The following CNTN5 variants were observed in gnomAD, a reference collection of about 807,000 sequenced individuals.
CNTN5 encodes contactin-5.
A neutral mutation model predicts 129.1 loss-of-function variants in CNTN5; 77 were observed. The observed-to-expected ratio is 0.60, with a 90% CI of 0.50 to 0.72. The LOEUF is 0.72. Ranked by LOEUF, CNTN5 falls within the 30% of genes least tolerant of loss-of-function variation. The probability of loss-of-function intolerance (pLI) is 0.00; values close to 1 mark genes in which losing one functional copy is unlikely to be tolerated. For missense variants in CNTN5, 1,478 were observed against 1,328.8 expected, an observed-to-expected ratio of 1.11 and a Z score of -1.75; for synonymous variants, 509 against 465.6, an observed-to-expected ratio of 1.09 and a Z score of -1.20.
Position 100,023,925 on chromosome 11 carries a change from G to A in CNTN5, c.980+21789G>A, listed in dbSNP as rs111659035. 1.1e-3 allele frequency among the ~76,000 whole-genome samples: 172 copies of A among 152,058 alleles called. 1 individual carries two copies. Among genetic ancestry groups the A allele is most frequent in the African/African-American group, 4.0e-3 (166 of 41,436 alleles). ...CTATTCAGCTACTAAAGGACTCTTA[G>A]CTGCTTCCAAATTTTGGTACTTATG... On this transcript the variant is annotated intron_variant, in intron 9 of 24. Coordinates refer to ENST00000524871, the MANE Select transcript of CNTN5 (RefSeq NM_014361.4).
At chr11:99,341,442 A>G (rs1361835965) in intron 2 of CNTN5, among the ~76,000 whole-genome samples, 1 of 152,180 alleles carries the variant, frequency 6.6e-6, no homozygotes. Flanking sequence ...GTCTGCAAGT[A>G]TGAAATTATA....
At chr11:99,397,401 T>C (rs1311922073) in intron 2 of CNTN5, among the ~76,000 whole-genome samples, 1 of 151,784 alleles carries the variant, frequency 6.6e-6, no homozygotes, top group African/African-American at 2.4e-5. Context: ...AGGAAGAAAG[T>C]CATTATGCAC....
intron 6 of CNTN5, among the ~76,000 whole-genome samples, chr11:99,907,989 C>T (rs549326666): frequency 2.0e-5 from 3 of 152,104 alleles, no homozygotes; most frequent in South Asian, 2.1e-4. Flanking sequence ...TAAAATTACA[C>T]GTTGAAAATT....
At chr11:99,862,310 T>C (rs1334895239) in intron 6 of CNTN5, among the ~76,000 whole-genome samples, 1 of 152,130 alleles carries the variant, frequency 6.6e-6, no homozygotes, top group Admixed American at 6.6e-5. Context: ...TTGCCCAGGG[T>C]CCATTGAAAC....
chr11:99,983,326 T>C (rs1419554352), intron 8 of CNTN5, among the ~76,000 whole-genome samples: 4 of 152,146 alleles, frequency 2.6e-5, no homozygotes, highest in Non-Finnish European at 5.9e-5. Context: ...ATGGTTAGTT[T>C]ATGGAGTGGA....
chr11:99,654,017 AC>A lies in CNTN5; in HGVS notation c.55+97749del, dbSNP rs1427940703. Among the ~76,000 whole-genome samples the A allele has an allele frequency of 4.6e-5, 7 of 152,216 alleles. No homozygotes were observed. In the South Asian group the frequency reaches 1.5e-3, roughly 32 times the overall value. On this transcript the variant is annotated intron_variant, in intron 3 of 24. Coordinates refer to ENST00000524871, the MANE Select transcript of CNTN5 (RefSeq NM_014361.4). ...ATCCATCAAGTTGTTTAAGTACAAAACAAAATCAAAAAAGCCGTTAATGAAT... is the reference window on the plus strand; with the variant it reads ...ATCCATCAAGTTGTTTAAGTACAAAAAAAATCAAAAAAGCCGTTAATGAAT...
intron 16 of CNTN5, among the ~76,000 whole-genome samples, chr11:100,233,980 G>A (rs1440523834): frequency 1.3e-5 from 2 of 152,022 alleles, no homozygotes; most frequent in Non-Finnish European, 2.9e-5. Context: ...CCATCAAAAA[G>A]TGGGCAAAGG....
intron 3 of CNTN5, among the ~76,000 whole-genome samples, chr11:99,621,521 T>C (rs978694141): frequency 7.3e-6 from 1 of 136,976 alleles, no homozygotes; most frequent in African/African-American, 2.6e-5. Flanking sequence ...TAATATATCT[T>C]TATAATACAA....
At chr11:99,639,753 G>A (rs553742203) in intron 3 of CNTN5, among the ~76,000 whole-genome samples, 88 of 151,846 alleles carry the variant, frequency 5.8e-4, no homozygotes, top group African/African-American at 2.1e-3. Context: ...TAGTGGAGAT[G>A]AGGTTTCACC....
chr11:100,217,573 G>A (rs1949166778), intron 15 of CNTN5, among the ~76,000 whole-genome samples: 1 of 152,034 alleles, frequency 6.6e-6, no homozygotes, highest in African/African-American at 2.4e-5. Flanking sequence ...ATTTTTTTCT[G>A]ACTAGTTCTA....
chr11:99,902,828 T>C (rs1949394681), intron 6 of CNTN5, among the ~76,000 whole-genome samples: 1 of 152,098 alleles, frequency 6.6e-6, no homozygotes, highest in Admixed American at 6.6e-5. Flanking sequence ...GATCACAAAT[T>C]AAAACTTTCT....
intron 15 of CNTN5, among the ~76,000 whole-genome samples, chr11:100,197,083 C>G (rs1948657423): frequency 6.6e-6 from 1 of 151,872 alleles, no homozygotes; most frequent in South Asian, 2.1e-4. Flanking sequence ...GGCCTCAGAT[C>G]CATTCAAATG....
intron 4 of CNTN5, among the ~76,000 whole-genome samples, chr11:99,821,306 A>G (rs1946793877): frequency 6.6e-6 from 1 of 152,206 alleles, no homozygotes; most frequent in African/African-American, 2.4e-5. Context: ...GATGAGAACA[A>G]TAAATATTGG....
chr11:100,328,461 C>A (rs533199634), intron 21 of CNTN5, among the ~76,000 whole-genome samples: 28 of 152,268 alleles, frequency 1.8e-4, no homozygotes, highest in Non-Finnish European at 3.4e-4. Context: ...TACAGTTCAA[C>A]AAGCTGTACA....
intron 2 of CNTN5, among the ~76,000 whole-genome samples, chr11:99,368,110 G>A (rs1939571277): frequency 6.6e-6 from 1 of 151,910 alleles, no homozygotes; most frequent in Admixed American, 6.6e-5. Context: ...TGAAAAAACT[G>A]GAATCATAAT....
intron 14 of CNTN5, 58 bp from the exon 15 acceptor site, chr11:100,193,430 T>C (rs1948549946): frequency 3.6e-6 from 4 of 1,106,672 alleles, no homozygotes; most frequent in Non-Finnish European, 5.0e-6. Flanking sequence ...AAGCAAAATA[T>C]TATGTATGGT....
intron 7 of CNTN5, among the ~76,000 whole-genome samples, chr11:99,919,094 A>G (rs959533945): frequency 1.3e-5 from 2 of 152,160 alleles, no homozygotes; most frequent in Non-Finnish European, 2.9e-5. Context: ...GTGTGCTCTC[A>G]TGACCAGACT....
At chr11:99,390,615 G>T (rs2136186979) in intron 2 of CNTN5, among the ~76,000 whole-genome samples, 1 of 152,150 alleles carries the variant, frequency 6.6e-6, no homozygotes, top group East Asian at 1.9e-4. Flanking sequence ...AATGAAATAT[G>T]AATAATTAAA....
chr11:99,308,834 T>C (rs1320220674), intron 1 of CNTN5, among the ~76,000 whole-genome samples: 2 of 142,494 alleles, frequency 1.4e-5, no homozygotes, highest in Admixed American at 7.1e-5. Flanking sequence ...CTCATTCTTA[T>C]TTTTTCCTCC....
Sources: allele counts gnomAD v4.1 joint callset (sites outside exome capture counted in the v4.1 genomes callset), GRCh38; gene constraint gnomAD v4.1.1; transcripts MANE v1.5; gene names NCBI Gene and HGNC (gene_info 2026-07-23, HGNC 2026-07-21).